SUPT3H: variants seen among roughly 807,000 people sequenced by gnomAD.
SUPT3H encodes the protein SPT3 homolog, SAGA and STAGA complex component.
SUPT3H carries 44 observed loss-of-function variants against 44.3 expected under a neutral mutation model. The observed-to-expected ratio is 0.99, with a 90% CI of 0.78 to 1.28. The LOEUF (loss-of-function observed/expected upper bound fraction) is 1.28, where lower values mean the gene tolerates loss of function less well. Among genes scored for constraint, SUPT3H ranks in the 50% most tolerant of loss-of-function variants. SUPT3H has a pLI of 0.00. For synonymous variants in SUPT3H, 124 were observed against 125.6 expected (o/e 0.99, Z 0.09); for missense variants, 380 against 387.1 (o/e 0.98, Z 0.15).
intron 6 of SUPT3H, among the ~76,000 whole-genome samples, chr6:44,962,327 T>A (rs1776143661): frequency 6.6e-6 from 1 of 152,170 alleles, no homozygotes; most frequent in Non-Finnish European, 1.5e-5. Flanking sequence ...ACAATACAGA[T>A]CCTTTAATCT....
intron 2 of SUPT3H, among the ~76,000 whole-genome samples, chr6:45,241,206 G>GCC (rs201924393): frequency 1.8e-3 from 257 of 143,080 alleles, no homozygotes; most frequent in African/African-American, 5.8e-3. Flanking sequence ...TTGGGAACAG[G>GCC]CCCCCCCCCA....
Position 45,094,506 on chromosome 6 carries a change from G to GA in SUPT3H, c.186+11415dup, listed in dbSNP as rs201630114. Among the ~76,000 whole-genome samples the GA allele has an allele frequency of 4.8e-3, 725 of 152,096 alleles. 9 individuals are homozygous for GA. Among genetic ancestry groups the GA allele is most frequent in the African/African-American group, 0.016 (674 of 41,510 alleles). On this transcript the variant is annotated intron_variant, in intron 3 of 10. Transcript: ENST00000371459. ...TGGTTAGTAGGATATACTACAGCAG[G>GA]AAAAAAATATGTTAAGAGTGGGAGA...
intron 10 of SUPT3H, among the ~76,000 whole-genome samples, chr6:44,888,245 A>T (rs1383698329): frequency 2.0e-5 from 3 of 152,202 alleles, no homozygotes; most frequent in African/African-American, 7.2e-5. Context: ...AAAAGAGGGA[A>T]TCCTCCCTGA....
At chr6:45,128,462 A>T (rs13213542) in intron 2 of SUPT3H, among the ~76,000 whole-genome samples, 1 of 127,916 alleles carries the variant, frequency 7.8e-6, no homozygotes, top group Non-Finnish European at 1.6e-5. Context: ...CCGAGATTGC[A>T]CCACTGCGCT....
chr6:45,072,540 T>C (rs936564923), intron 3 of SUPT3H, among the ~76,000 whole-genome samples: 2 of 152,156 alleles, frequency 1.3e-5, no homozygotes, highest in South Asian at 2.1e-4. Flanking sequence ...CTAAGAAGCA[T>C]TGACTTAGAA....
chr6:45,363,362 T>C (rs1794591794), intron 2 of SUPT3H, among the ~76,000 whole-genome samples: 1 of 152,194 alleles, frequency 6.6e-6, no homozygotes, highest in Admixed American at 6.5e-5. Context: ...ATAAGATGTC[T>C]GGGATTTGCT....
chr6:45,322,926 G>C (rs1037547434), intron 2 of SUPT3H: 32 of 1,612,648 alleles, frequency 2.0e-5, no homozygotes, highest in Non-Finnish European at 2.7e-5. Context: ...TGAGTCCATG[G>C]AGAAAAGCCA....
chr6:45,046,600 G>A (rs1191356244), intron 3 of SUPT3H, among the ~76,000 whole-genome samples: 2 of 152,134 alleles, frequency 1.3e-5, no homozygotes, highest in African/African-American at 2.4e-5. Flanking sequence ...TAAAGTGCTG[G>A]GATTACAGGC....
chr6:45,300,398 C>T (rs1475168021), intron 2 of SUPT3H, among the ~76,000 whole-genome samples: 2 of 152,126 alleles, frequency 1.3e-5, no homozygotes, highest in African/African-American at 4.8e-5. Context: ...ACTAGAATGA[C>T]CCTCAAAATA....
chr6:45,248,425 A>T (rs72858507), intron 2 of SUPT3H, among the ~76,000 whole-genome samples: 1 of 152,154 alleles, frequency 6.6e-6, no homozygotes, highest in Non-Finnish European at 1.5e-5. Flanking sequence ...TATCCAGTAA[A>T]TAAAAAAGGA....
Position 44,842,548 on chromosome 6 carries a change from G to A in SUPT3H, c.913-12691C>T, listed in dbSNP as rs1240793516. On this transcript the variant is annotated intron_variant, in intron 10 of 10. Coordinates refer to ENST00000371459, the MANE Select transcript of SUPT3H (RefSeq NM_003599.4). ...ATTATTTCAATATAAAGAAATGAAT[G>A]GAAAGAGAGTAAGACATTACCAACT... Among the ~76,000 whole-genome samples the A allele has an allele frequency of 2.0e-5, 3 of 152,028 alleles. No homozygotes were observed. The East Asian group carries it at 5.8e-4, about 29-fold the overall frequency.
At position 45,365,187 on chromosome 6, in the gene SUPT3H, A is replaced by C. The variant is rs2150275674; in HGVS notation, c.101+14T>G. 4.7e-6 allele frequency: 7 copies of C among 1,490,878 alleles called. No individual in the cohort carries two copies. The highest frequency in any genetic ancestry group is 5.6e-6 in the Non-Finnish European group (6 of 1,079,820). 92.4% of individuals were successfully genotyped at this position (1,490,878 alleles called of 1,614,324 possible). ...TAAAATAGTAATAGCAATAGCATGCAGGGACATACTTACATCATACTCTGT... is the reference window on the plus strand; with the variant it reads ...TAAAATAGTAATAGCAATAGCATGCCGGGACATACTTACATCATACTCTGT... On this transcript the variant is annotated intron_variant, in intron 2 of 10. Transcript: ENST00000371459.
At chr6:45,144,631 A>G (rs1805740585) in intron 2 of SUPT3H, among the ~76,000 whole-genome samples, 1 of 152,112 alleles carries the variant, frequency 6.6e-6, no homozygotes, top group South Asian at 2.1e-4. Flanking sequence ...CCTAGTCAAC[A>G]TAGTGCTGGA....
intron 6 of SUPT3H, among the ~76,000 whole-genome samples, chr6:44,990,398 G>A (rs1780452359): frequency 6.6e-6 from 1 of 152,046 alleles, no homozygotes; most frequent in Non-Finnish European, 1.5e-5. Flanking sequence ...GGTGGGGCCT[G>A]GTAGGAGGTG....
At chr6:44,868,864 C>T (rs867692639) in intron 10 of SUPT3H, among the ~76,000 whole-genome samples, 3 of 152,222 alleles carry the variant, frequency 2.0e-5, no homozygotes, top group East Asian at 1.9e-4. Flanking sequence ...GCTGCAGTCA[C>T]GGAATACCAT....
chr6:45,199,375 T>TTAGAG lies in SUPT3H; in HGVS notation c.102-93374_102-93370dup, dbSNP rs540038962. Among the ~76,000 whole-genome samples the TTAGAG allele has an allele frequency of 3.9e-3, 591 of 151,356 alleles. 7 individuals carry two copies. Among genetic ancestry groups the TTAGAG allele is most frequent in the African/African-American group, 0.014 (564 of 41,488 alleles). On this transcript the variant is annotated intron_variant, in intron 2 of 10. Transcript: ENST00000371459. ...GCTCTGGTCATCTGAGGAATTACAATTAGAGCATGAATCTCCACAATTCTG... is the reference window on the plus strand; with the variant it reads ...GCTCTGGTCATCTGAGGAATTACAATTAGAGTAGAGCATGAATCTCCACAATTCTG...
chr6:45,342,429 T>C (rs1486182213), intron 2 of SUPT3H, among the ~76,000 whole-genome samples: 2 of 152,018 alleles, frequency 1.3e-5, no homozygotes, highest in African/African-American at 4.8e-5. Flanking sequence ...GCCCAGATAA[T>C]TTTGTATTTT....
chr6:45,188,409 A>G (rs1362497025), intron 2 of SUPT3H, among the ~76,000 whole-genome samples: 2 of 152,206 alleles, frequency 1.3e-5, no homozygotes, highest in Non-Finnish European at 2.9e-5. Context: ...TATGGCCACA[A>G]TGCATGATAA....
intron 2 of SUPT3H, among the ~76,000 whole-genome samples, chr6:45,160,201 C>T (rs1808706906): frequency 6.6e-6 from 1 of 152,148 alleles, no homozygotes; most frequent in Non-Finnish European, 1.5e-5. Flanking sequence ...CAAAGAAATA[C>T]AAACTCACTA....
Sources: gnomAD v4.1 joint callset for allele counts (sites outside exome capture counted in the v4.1 genomes callset) on GRCh38, gnomAD v4.1.1 for gene constraint, MANE v1.5 for transcripts, NCBI Gene and HGNC (gene_info 2026-07-23, HGNC 2026-07-21) for gene names.